Variants in KLHL1 observed in about 807,000 individuals in gnomAD.
The protein encoded by KLHL1 is kelch like family member 1.
KLHL1 carries 47 observed loss-of-function variants against 77.7 expected under a neutral mutation model. The ratio of observed to expected loss-of-function variants is 0.60; its 90% CI spans 0.48 to 0.77. The LOEUF is 0.77. Among genes scored for constraint, KLHL1 ranks in the 30% least tolerant of loss-of-function variants. The probability of loss-of-function intolerance (pLI) is 0.00; values close to 1 mark genes in which losing one functional copy is unlikely to be tolerated. For missense variants in KLHL1, 925 were observed against 910.8 expected, an observed-to-expected ratio of 1.02 and a Z score of -0.20; for synonymous variants, 360 against 325.2, an observed-to-expected ratio of 1.11 and a Z score of -1.15.
chr13:69,861,852 C>T (rs141503697), intron 5 of KLHL1, among the ~76,000 whole-genome samples: 2,127 of 149,434 alleles, frequency 0.014, 50 homozygotes, highest in African/African-American at 0.05. Context: ...GTAATCCTAG[C>T]TACTCAGGAG....
At chr13:69,800,968 C>T (rs1877350770) in intron 6 of KLHL1, among the ~76,000 whole-genome samples, 2 of 152,110 alleles carry the variant, frequency 1.3e-5, no homozygotes, top group Non-Finnish European at 1.5e-5. Flanking sequence ...TTTAGGGTTA[C>T]TCTGTTAATG....
chr13:70,033,604 C>CTTTTT (rs71116981), intron 1 of KLHL1, among the ~76,000 whole-genome samples: 6 of 47,186 alleles, frequency 1.3e-4, no homozygotes, highest in African/African-American at 2.6e-4. Context: ...CCGCAACTGG[C>CTTTTT]TTTTTTTTTT....
At chr13:69,903,630 C>CCTT (rs1881946937) in intron 4 of KLHL1, among the ~76,000 whole-genome samples, 1 of 50,184 alleles carries the variant, frequency 2.0e-5, no homozygotes, top group Non-Finnish European at 3.2e-5. Flanking sequence ...TGTTCACATT[C>CCTT]TTTTTTTTTT....
intron 1 of KLHL1, among the ~76,000 whole-genome samples, chr13:70,080,143 G>C (rs1038187932): frequency 6.6e-6 from 1 of 152,186 alleles, no homozygotes; most frequent in Non-Finnish European, 1.5e-5. Flanking sequence ...GAGTCTGAAA[G>C]GATACGTGTT....
intron 3 of KLHL1, among the ~76,000 whole-genome samples, chr13:69,952,273 A>T (rs1243998473): frequency 6.6e-6 from 1 of 151,498 alleles, no homozygotes; most frequent in Admixed American, 6.6e-5. Flanking sequence ...TCAATGGCAT[A>T]TGTTTCCAAG....
chr13:69,740,459 T>C lies in KLHL1; in HGVS notation c.1737A>G (p.Gln579=), dbSNP rs752886574. Residue 579 remains glutamine (Q), a synonymous_variant, in exon 8 of 11, where the codon CAA becomes CAG. Transcript: ENST00000377844. ...TVERWDPQSQ[Q]WTFVASMSIA... is the part of the protein sequence containing the mutation. ...TTGACATACTGGCTACAAATGTCCA[T>C]TGTTGACTCTGTGGATCCCACCTTT... 1 of 1,613,230 alleles carries C rather than the reference T, an allele frequency of 6.2e-7. No homozygotes were observed. The highest frequency in any genetic ancestry group is 1.1e-5 in the South Asian group (1 of 91,016).
intron 5 of KLHL1, among the ~76,000 whole-genome samples, chr13:69,852,710 A>G (rs544586065): frequency 1.3e-5 from 2 of 152,124 alleles, no homozygotes; most frequent in South Asian, 4.1e-4. Flanking sequence ...AGTTCCTGTG[A>G]AAACATCAAG....
In KLHL1 at chr13:69,877,473, A is replaced by T. The variant is rs576986747; in HGVS notation, c.1227+4810T>A. On this transcript the variant is annotated intron_variant, in intron 5 of 10. Coordinates refer to ENST00000377844, the MANE Select transcript of KLHL1 (RefSeq NM_020866.3). ...TCCTCTAAGTAAACTATATATATAT[A>T]TTTTTTTTTCAGTCATTCTCTAAAA... is the stretch of plus-strand genomic sequence containing the variant. Among the ~76,000 whole-genome samples the T allele has an allele frequency of 3.8e-3, 573 of 149,480 alleles. 5 individuals are homozygous for T. The highest frequency in any genetic ancestry group is 0.01 in the African/African-American group (411 of 39,798).
At chr13:70,037,907 A>G (rs917388574) in intron 1 of KLHL1, among the ~76,000 whole-genome samples, 2 of 152,032 alleles carry the variant, frequency 1.3e-5, no homozygotes, top group Non-Finnish European at 1.5e-5. Flanking sequence ...CCCTTTTACC[A>G]CTTTAGACTT....
intron 1 of KLHL1, among the ~76,000 whole-genome samples, chr13:70,022,010 T>A (rs535814477): frequency 3.3e-5 from 5 of 152,128 alleles, no homozygotes; most frequent in Non-Finnish European, 5.9e-5. Context: ...TTTATCAATT[T>A]TTTCAGAGAT....
chr13:70,075,568 T>TGTGC (rs1312878467), intron 1 of KLHL1, among the ~76,000 whole-genome samples: 12 of 107,036 alleles, frequency 1.1e-4, no homozygotes, highest in Non-Finnish European at 1.7e-4. Context: ...TGTGTGTATG[T>TGTGC]GTATATATAT....
intron 7 of KLHL1, among the ~76,000 whole-genome samples, chr13:69,753,473 CA>C (rs1259258729): frequency 6.6e-6 from 1 of 151,982 alleles, no homozygotes; most frequent in African/African-American, 2.4e-5. Context: ...CAAACAAAAA[CA>C]GAACTTTTCT....
chr13:70,099,836 T>C (rs966095620), intron 1 of KLHL1, among the ~76,000 whole-genome samples: 1 of 152,024 alleles, frequency 6.6e-6, no homozygotes, highest in African/African-American at 2.4e-5. Flanking sequence ...AAATTTTTTA[T>C]ATGGCAGAAT....
At chr13:69,788,778 G>T (rs567213720) in intron 7 of KLHL1, among the ~76,000 whole-genome samples, 2 of 152,168 alleles carry the variant, frequency 1.3e-5, no homozygotes, top group African/African-American at 4.8e-5. Context: ...GTACACAGAA[G>T]TGATGAATAA....
At chr13:69,773,001 C>T (rs949366536) in intron 7 of KLHL1, among the ~76,000 whole-genome samples, 8 of 151,356 alleles carry the variant, frequency 5.3e-5, no homozygotes, top group East Asian at 1.9e-4. Flanking sequence ...CAGGAAGATC[C>T]GAGTGAGAAA....
At chr13:70,045,040 T>C (rs773330866) in intron 1 of KLHL1, among the ~76,000 whole-genome samples, 3 of 152,304 alleles carry the variant, frequency 2.0e-5, no homozygotes, top group Admixed American at 6.5e-5. Context: ...ATAATATTCA[T>C]ATAGGAAGTC....
chr13:69,760,347 T>TTTATTA (rs141226123), intron 7 of KLHL1, among the ~76,000 whole-genome samples: 28,300 of 150,006 alleles, frequency 0.19, 3,262 homozygotes, highest in South Asian at 0.29. Flanking sequence ...GTTAGGATAT[T>TTTATTA]TTATTATTAT....
chr13:70,098,202 C>A (rs2137450836), intron 1 of KLHL1, among the ~76,000 whole-genome samples: 1 of 151,686 alleles, frequency 6.6e-6, no homozygotes, highest in Non-Finnish European at 1.5e-5. Context: ...CTATGATTAT[C>A]TCAATAAATA....
intron 7 of KLHL1, among the ~76,000 whole-genome samples, chr13:69,771,126 T>C (rs1333028930): frequency 1.3e-5 from 2 of 152,136 alleles, no homozygotes; most frequent in East Asian, 1.9e-4. Flanking sequence ...GCCTGATAAG[T>C]CTTCAAATCA....
Sources: allele counts gnomAD v4.1 joint callset (sites outside exome capture counted in the v4.1 genomes callset), GRCh38; gene constraint gnomAD v4.1.1; transcripts MANE v1.5; gene names NCBI Gene and HGNC (gene_info 2026-07-23, HGNC 2026-07-21).